Variants in IL1RAP observed in about 807,000 individuals in gnomAD.
IL1RAP encodes interleukin 1 receptor accessory protein, also known as interleukin-1 receptor accessory protein.
Under a neutral mutation model 60.7 loss-of-function variants are expected in IL1RAP, and 35 were observed. The observed-to-expected ratio is 0.58, with a 90% confidence interval of 0.44 to 0.76. The LOEUF (loss-of-function observed/expected upper bound fraction) is 0.76, where lower values mean the gene tolerates loss of function less well. Ranked by LOEUF, IL1RAP falls within the 30% of genes least tolerant of loss-of-function variation. The pLI, the probability that IL1RAP is intolerant of heterozygous loss-of-function variation, is 0.00. For missense variants in IL1RAP, 572 were observed against 693.9 expected (o/e 0.82, Z 1.97); for synonymous variants, 268 against 250.9 (o/e 1.07, Z -0.64).
In IL1RAP at chr3:190,648,470, G is replaced by C; in HGVS notation, c.1478G>C (p.Arg493Pro). The stretch of plus-strand genomic sequence containing the variant: ...GCTGGCCTAGAAAATATGGCCTCTC[G>C]GGGCAACATCAACGTCATTTTAGTA... ...LKAGLENMAS[R>P]GNINVILVQY... Residue 493 changes from arginine to proline, a missense_variant, in exon 12 of 12, where the codon CGG becomes CCG. Coordinates refer to ENST00000447382, the MANE Select transcript of IL1RAP (RefSeq NM_002182.4). 2 of 1,614,058 alleles carry C rather than the reference G, an allele frequency of 1.2e-6. No homozygotes were observed. The highest frequency in any genetic ancestry group is 8.5e-7 in the Non-Finnish European group (1 of 1,180,014).
intron 5 of IL1RAP, among the ~76,000 whole-genome samples, chr3:190,612,877 TG>T (rs1730943067): frequency 6.6e-6 from 1 of 152,222 alleles, no homozygotes; most frequent in African/African-American, 2.4e-5. Context: ...ATAGGTTTGT[TG>T]GTATGTAACT....
intron 1 of IL1RAP, among the ~76,000 whole-genome samples, chr3:190,543,912 T>G: frequency 6.6e-6 from 1 of 152,206 alleles, no homozygotes; most frequent in East Asian, 1.9e-4. Context: ...GGTGTTCCCA[T>G]GGCACCCAAC....
intron 9 of IL1RAP, among the ~76,000 whole-genome samples, chr3:190,635,948 C>T (rs1733187150): frequency 6.6e-6 from 1 of 152,150 alleles, no homozygotes; most frequent in African/African-American, 2.4e-5. Flanking sequence ...TCTTATCCTT[C>T]AGGTTCAATT....
intron 3 of IL1RAP, among the ~76,000 whole-genome samples, chr3:190,596,543 T>C (rs1320840902): frequency 6.6e-6 from 1 of 152,208 alleles, no homozygotes; most frequent in Non-Finnish European, 1.5e-5. Flanking sequence ...TTCCAGTGAC[T>C]TGGCTTTGCA....
At chr3:190,618,208 A>C (rs1731447111) in intron 5 of IL1RAP, among the ~76,000 whole-genome samples, 1 of 152,242 alleles carries the variant, frequency 6.6e-6, no homozygotes, top group Non-Finnish European at 1.5e-5. Flanking sequence ...TCTGAATTCA[A>C]ATTCCAGCTT....
intron 9 of IL1RAP, among the ~76,000 whole-genome samples, chr3:190,630,628 C>T (rs954957831): frequency 1.3e-5 from 2 of 152,190 alleles, no homozygotes; most frequent in African/African-American, 4.8e-5. Flanking sequence ...ACTAGTGAAT[C>T]AGTTCAGGGT....
chr3:190,652,815 C>T (rs1480503751), downstream of IL1RAP, among the ~76,000 whole-genome samples: 2 of 152,144 alleles, frequency 1.3e-5, no homozygotes, highest in Admixed American at 6.5e-5. Context: ...CAACCCTGAA[C>T]GTGTTAAGTG....
At chr3:190,630,881 A>G (rs1732732809) in intron 9 of IL1RAP, among the ~76,000 whole-genome samples, 1 of 152,180 alleles carries the variant, frequency 6.6e-6, no homozygotes, top group African/African-American at 2.4e-5. Flanking sequence ...TAGACACAAT[A>G]ATACCACTAC....
At chr3:190,522,334 CT>C (rs1722122972) in intron 1 of IL1RAP, among the ~76,000 whole-genome samples, 1 of 143,654 alleles carries the variant, frequency 7.0e-6, no homozygotes, top group South Asian at 2.1e-4. Flanking sequence ...TCCTTCCTTC[CT>C]TCCTTCCTCC....
chr3:190,540,710 A>G (rs1331185181), intron 1 of IL1RAP, among the ~76,000 whole-genome samples: 1 of 152,042 alleles, frequency 6.6e-6, no homozygotes, highest in African/African-American at 2.4e-5. Flanking sequence ...AAAATTTAAA[A>G]CCAAAGTCTC....
downstream of IL1RAP, among the ~76,000 whole-genome samples, chr3:190,652,846 G>A (rs1243049521): frequency 6.6e-6 from 1 of 152,188 alleles, no homozygotes; most frequent in Non-Finnish European, 1.5e-5. Flanking sequence ...ACATACTGGT[G>A]ACTCTTTGGA....
chr3:190,611,914 G>A lies in IL1RAP; in HGVS notation c.537+2733G>A, dbSNP rs995371418. 2.6e-5 allele frequency among the ~76,000 whole-genome samples: 4 copies of A among 152,156 alleles called. No homozygotes were observed. The South Asian group carries it at 8.3e-4, about 32-fold the overall frequency. The stretch of plus-strand genomic sequence containing the variant: ...CACCAATTGCAATGAATCAACTTTA[G>A]TTGGATCTTTTTCATTTGAAAAAAA... On this transcript the variant is annotated intron_variant, in intron 5 of 11. Transcript: ENST00000447382.
In IL1RAP at chr3:190,648,652, C is replaced by T. The variant is rs548470995; in HGVS notation, c.1660C>T (p.Arg554Trp). The change falls in exon 12 of 12, where the codon CGG (arginine) becomes TGG (tryptophan). Residue 554 changes from arginine to tryptophan, a missense_variant. Coordinates refer to ENST00000447382, the MANE Select transcript of IL1RAP (RefSeq NM_002182.4). ...VAMPVKKSPR[R>W]SSSDEQGLSY... Reference sequence around the variant, plus strand: ...CATGCCAGTGAAGAAAAGTCCCAGGCGGTCTAGCAGTGATGAGCAGGGCCT... The same window carrying T: ...CATGCCAGTGAAGAAAAGTCCCAGGTGGTCTAGCAGTGATGAGCAGGGCCT... 92 of 1,614,006 alleles carry T rather than the reference C, an allele frequency of 5.7e-5. 3 individuals are homozygous for T. The highest frequency in any genetic ancestry group is 3.3e-4 in the African/African-American group (25 of 74,984).
At chr3:190,629,904 A>G in intron 9 of IL1RAP, 8 of 964,238 alleles carry the variant, frequency 8.3e-6, no homozygotes, top group Non-Finnish European at 9.9e-6. Context: ...AGAGTCATAA[A>G]AAAGATTGCA....
rs113745916 is a variant in IL1RAP at position 190,524,019 on chromosome 3, C to A, written c.-89+9800C>A. 2.4e-3 allele frequency among the ~76,000 whole-genome samples: 359 copies of A among 152,256 alleles called. 2 individuals are homozygous for A. Among genetic ancestry groups the A allele is most frequent in the African/African-American group, 8.1e-3 (336 of 41,562 alleles). Reference sequence around the variant, plus strand: ...GTGTTCCTTTTTCTCTGCAACCTTGCCAGCATCTGTTATTTTCTGACTTTT... The same window carrying A: ...GTGTTCCTTTTTCTCTGCAACCTTGACAGCATCTGTTATTTTCTGACTTTT... On this transcript the variant is annotated intron_variant, in intron 1 of 11. Coordinates refer to ENST00000447382, the MANE Select transcript of IL1RAP (RefSeq NM_002182.4).
At chr3:190,625,687 A>G (rs1379090238) in intron 7 of IL1RAP, among the ~76,000 whole-genome samples, 1 of 152,204 alleles carries the variant, frequency 6.6e-6, no homozygotes. Context: ...TAGATGGAGA[A>G]CAATGCCAAA....
At chr3:190,580,645 G>A (rs1577650303) in intron 3 of IL1RAP, among the ~76,000 whole-genome samples, 1 of 152,126 alleles carries the variant, frequency 6.6e-6, no homozygotes, top group African/African-American at 2.4e-5. Flanking sequence ...AGGCTGAGAA[G>A]GGGGAGAAAT....
chr3:190,565,523 A>G (rs1289745803), intron 3 of IL1RAP, among the ~76,000 whole-genome samples: 3 of 152,198 alleles, frequency 2.0e-5, no homozygotes, highest in African/African-American at 7.2e-5. Context: ...ATTAGAAACC[A>G]AAAATAGTAC....
At chr3:190,616,661 ACT>A (rs1231100121) in intron 5 of IL1RAP, among the ~76,000 whole-genome samples, 1 of 152,002 alleles carries the variant, frequency 6.6e-6, no homozygotes, top group African/African-American at 2.4e-5. Flanking sequence ...TCTCAATTAA[ACT>A]CTTTGTATCT....
Sources: gnomAD v4.1 joint callset for allele counts (sites outside exome capture counted in the v4.1 genomes callset) on GRCh38, gnomAD v4.1.1 for gene constraint, MANE v1.5 for transcripts, NCBI Gene and HGNC (gene_info 2026-07-23, HGNC 2026-07-21) for gene names.